AK3: variants seen among roughly 807,000 people sequenced by gnomAD.
AK3 encodes GTP:AMP phosphotransferase AK3, mitochondrial.
Under a neutral mutation model 23.7 loss-of-function variants are expected in AK3, and 27 were observed. The observed-to-expected ratio is 1.14, with a 90% CI of 0.84 to 1.57. The LOEUF (loss-of-function observed/expected upper bound fraction) is 1.57, where lower values mean the gene tolerates loss of function less well. Ranked by LOEUF, AK3 falls within the 40% of genes most tolerant of loss-of-function variation. AK3 has a pLI of 0.00. For missense variants in AK3, 406 were observed against 285.6 expected (o/e 1.42, Z -3.04); for synonymous variants, 159 against 116.0 (o/e 1.37, Z -2.38).
intron 1 of AK3, among the ~76,000 whole-genome samples, chr9:4,736,208 C>T (rs1335124001): frequency 6.6e-6 from 1 of 150,456 alleles, no homozygotes; most frequent in Non-Finnish European, 1.5e-5. Flanking sequence ...TAAATGGATA[C>T]ATTATATGGT....
intron 4 of AK3, among the ~76,000 whole-genome samples, chr9:4,714,471 T>A (rs1459424876): frequency 6.6e-6 from 1 of 152,226 alleles, no homozygotes; most frequent in Non-Finnish European, 1.5e-5. Flanking sequence ...AAATACAGCA[T>A]TCTTGGGATA....
rs887091911 is a variant in AK3 at position 4,712,600 on chromosome 9, T to C, written c.*376A>G. ...CACAAATTTCTGATTACGTATTTTCTCCAAATGACATGTAACTTTTTTTAA... is the reference window on the plus strand; with the variant it reads ...CACAAATTTCTGATTACGTATTTTCCCCAAATGACATGTAACTTTTTTTAA... On this transcript the variant is annotated 3_prime_UTR_variant, in exon 5 of 5. Coordinates refer to ENST00000381809, the MANE Select transcript of AK3 (RefSeq NM_016282.4). 1.9e-5 allele frequency: 3 copies of C among 154,186 alleles called. No homozygotes were observed. Among genetic ancestry groups the C allele is most frequent in the Admixed American group, 1.9e-4 (3 of 15,430 alleles). 9.6% of individuals were successfully genotyped at this position (154,186 alleles called of 1,614,324 possible).
intron 1 of AK3, among the ~76,000 whole-genome samples, chr9:4,725,019 C>CTTT (rs1491310710): frequency 1.9e-5 from 1 of 53,300 alleles, no homozygotes; most frequent in African/African-American, 3.8e-5. Context: ...AGCTACTAAA[C>CTTT]TCTTTTTTTT....
At position 4,710,978 on chromosome 9, in the gene AK3, T is replaced by C. The variant is rs1252005061; in HGVS notation, c.*1998A>G. The C allele has an allele frequency of 6.6e-6, 1 of 152,160 alleles. No homozygotes were observed. Among genetic ancestry groups the C allele is most frequent in the African/African-American group, 2.4e-5 (1 of 41,428 alleles). 9.4% of individuals were successfully genotyped at this position (152,160 alleles called of 1,614,324 possible). ...AAAGTAATGAATGTATGTGCAAAACTTTGGGCTAAGTGTTTGCGGGTGGGG... is the reference window on the plus strand; with the variant it reads ...AAAGTAATGAATGTATGTGCAAAACCTTGGGCTAAGTGTTTGCGGGTGGGG... On this transcript the variant is annotated 3_prime_UTR_variant, in exon 5 of 5. Coordinates refer to ENST00000381809, the MANE Select transcript of AK3 (RefSeq NM_016282.4).
chr9:4,709,642 A>G lies in AK3; in HGVS notation c.*3334T>C, dbSNP rs1200600266. ...TTTAGTGAGCTAAAAACAAATAAAA[A>G]GCAGGAGGGGGATAAGGGCTCTACA... On this transcript the variant is annotated 3_prime_UTR_variant, in exon 5 of 5. Transcript: ENST00000381809. 1 of 151,594 alleles carries G rather than the reference A, an allele frequency of 6.6e-6. No homozygotes were observed. Among genetic ancestry groups the G allele is most frequent in the African/African-American group, 2.4e-5 (1 of 41,380 alleles). The allele number at this position is 151,594 out of a possible 1,614,324, so 9.4% of individuals were successfully genotyped here.
At chr9:4,740,122 T>C (rs973066685) in intron 1 of AK3, among the ~76,000 whole-genome samples, 21 of 151,274 alleles carry the variant, frequency 1.4e-4, no homozygotes, top group Middle Eastern at 3.4e-3. Context: ...ATTATTTCTA[T>C]GTAAATGGGT....
chr9:4,711,330 G>A lies in AK3; in HGVS notation c.*1646C>T, dbSNP rs923277886. ...AGACTAATATATGCTTGATAACCTA[G>A]TGATAATCCATAAGTTTGGTATTTC... is the stretch of plus-strand genomic sequence containing the variant. On this transcript the variant is annotated 3_prime_UTR_variant, in exon 5 of 5. Coordinates refer to ENST00000381809, the MANE Select transcript of AK3 (RefSeq NM_016282.4). 6 of 152,376 alleles carry A rather than the reference G, an allele frequency of 3.9e-5. No individual in the cohort carries two copies. In the Admixed American group the frequency reaches 3.9e-4, roughly 10 times the overall value. The allele number at this position is 152,376 out of a possible 1,614,324, so 9.4% of individuals were successfully genotyped here.
At chr9:4,719,412 G>T (rs1841833540) in intron 2 of AK3, 105 bp from the exon 3 acceptor site, 2 of 1,031,942 alleles carry the variant, frequency 1.9e-6, no homozygotes, top group Non-Finnish European at 2.7e-6. Context: ...ATTAATGTTG[G>T]ACAATCTGAA....
intron 1 of AK3, among the ~76,000 whole-genome samples, chr9:4,733,588 C>T (rs1268115975): frequency 6.6e-6 from 1 of 152,216 alleles, no homozygotes; most frequent in Non-Finnish European, 1.5e-5. Context: ...TCCTCCCGCT[C>T]ACCATCACTC....
At chr9:4,716,035 G>A (rs1841717173) in intron 4 of AK3, among the ~76,000 whole-genome samples, 1 of 152,142 alleles carries the variant, frequency 6.6e-6, no homozygotes, top group Non-Finnish European at 1.5e-5. Flanking sequence ...TGCTACACAG[G>A]GAGGGCACAC....
Position 4,712,991 on chromosome 9 carries a change from A to AGCTTTCTG in AK3, c.661_668dup (p.Ser224ArgfsTer13). The AGCTTTCTG allele has an allele frequency of 6.2e-7, 1 of 1,613,554 alleles. No homozygotes were observed. Among genetic ancestry groups the AGCTTTCTG allele is most frequent in the Non-Finnish European group, 8.5e-7 (1 of 1,179,680 alleles). Reference sequence around the variant, plus strand: ...ACATTTCTCCTCATGGAGTAACTGAAGCTTTCTGGCTTCTTTGTGGAACTT... The same window carrying AGCTTTCTG: ...ACATTTCTCCTCATGGAGTAACTGAAGCTTTCTGGCTTTCTGGCTTCTTTGTGGAACTT... On this transcript the variant is annotated frameshift_variant, in exon 5 of 5. Transcript: ENST00000381809. LOFTEE classifies it high-confidence loss of function.
Position 4,718,351 on chromosome 9 carries a change from G to A in AK3, c.563+68C>T, listed in dbSNP as rs149399924. ...GGCATTTTAGCATTTCAGCTGTAGA[G>A]GAAGGAAAATCAAAACTAGACTTAG... is the stretch of plus-strand genomic sequence containing the variant. On this transcript the variant is annotated intron_variant, in intron 4 of 4. Transcript: ENST00000381809. The A allele has an allele frequency of 9.6e-4, 1,133 of 1,180,186 alleles. 8 individuals are homozygous for A. In the African/African-American group the frequency reaches 0.015, roughly 16 times the overall value. 73.1% of individuals were successfully genotyped at this position (1,180,186 alleles called of 1,614,324 possible).
At chr9:4,717,343 C>T (rs192630607) in intron 4 of AK3, among the ~76,000 whole-genome samples, 1 of 152,182 alleles carries the variant, frequency 6.6e-6, no homozygotes, top group Non-Finnish European at 1.5e-5. Context: ...AAGTCAAATA[C>T]TCATTCAGTA....
chr9:4,732,050 A>G (rs1054279899), intron 1 of AK3, among the ~76,000 whole-genome samples: 1 of 152,148 alleles, frequency 6.6e-6, no homozygotes, highest in Non-Finnish European at 1.5e-5. Context: ...GCTGGGTCCA[A>G]GTGATCCTCC....
intron 1 of AK3, among the ~76,000 whole-genome samples, chr9:4,736,706 A>G (rs1199720801): frequency 1.3e-5 from 2 of 151,540 alleles, no homozygotes; most frequent in Non-Finnish European, 2.9e-5. Flanking sequence ...TTTTTGAGAC[A>G]GGGTCTCACT....
At chr9:4,714,109 T>C in intron 4 of AK3, among the ~76,000 whole-genome samples, 1 of 110,108 alleles carries the variant, frequency 9.1e-6, no homozygotes, top group Non-Finnish European at 1.9e-5. Flanking sequence ...CACCTACACA[T>C]ATACACACCT....
intron 1 of AK3, among the ~76,000 whole-genome samples, chr9:4,738,792 G>C (rs1842356398): frequency 1.5e-5 from 2 of 137,860 alleles, no homozygotes; most frequent in South Asian, 2.3e-4. Flanking sequence ...TTTTGAGACA[G>C]GGTATCACTC....
At chr9:4,739,097 T>G (rs2130918808) in intron 1 of AK3, among the ~76,000 whole-genome samples, 1 of 152,218 alleles carries the variant, frequency 6.6e-6, no homozygotes, top group East Asian at 1.9e-4. Flanking sequence ...TTGGTTAACC[T>G]GACCCCAACC....
intron 1 of AK3, among the ~76,000 whole-genome samples, chr9:4,739,654 G>A (rs773155343): frequency 8.3e-5 from 12 of 144,928 alleles, no homozygotes; most frequent in Non-Finnish European, 1.7e-4. Flanking sequence ...CACGTTGGCC[G>A]GGCGCGGTGG....
Sources: allele counts gnomAD v4.1 joint callset (sites outside exome capture counted in the v4.1 genomes callset), GRCh38; gene constraint gnomAD v4.1.1; transcripts MANE v1.5; gene names NCBI Gene and HGNC (gene_info 2026-07-23, HGNC 2026-07-21).